Variants in PMS1 observed in about 807,000 individuals in gnomAD.
The protein encoded by PMS1 is PMS1 protein homolog 1.
PMS1 carries 79 observed loss-of-function variants against 93.1 expected under a neutral mutation model. That is an observed-to-expected ratio of 0.85 (90% CI 0.71 to 1.02). PMS1 has a LOEUF of 1.02. Among genes scored for constraint, PMS1 ranks in the 50% least tolerant of loss-of-function variants. PMS1 has a pLI of 0.00. For missense variants in PMS1, 1,064 were observed against 1,085.3 expected, an observed-to-expected ratio of 0.98 and a Z score of 0.28; for synonymous variants, 335 against 363.4, an observed-to-expected ratio of 0.92 and a Z score of 0.89.
chr2:189,790,205 TC>T lies in PMS1; in HGVS notation c.-20-1584del, dbSNP rs1471823791. Among the ~76,000 whole-genome samples, 5 of 152,284 alleles carry T rather than the reference TC, an allele frequency of 3.3e-5. No individual in the cohort carries two copies. The East Asian group carries it at 9.6e-4, about 29-fold the overall frequency. On this transcript the variant is annotated intron_variant, in intron 1 of 12. Coordinates refer to ENST00000441310, the MANE Select transcript of PMS1 (RefSeq NM_000534.5). ...ACAGTAATCCTAACTCTAAAGGAGC[TC>T]AGTGATTGAAAAAGACATTATAATT...
intron 2 of PMS1, among the ~76,000 whole-genome samples, chr2:189,793,219 C>T (rs2049048258): frequency 6.6e-6 from 1 of 152,178 alleles, no homozygotes; most frequent in African/African-American, 2.4e-5. Context: ...TCTTAAAACC[C>T]ATTCTTGATC....
At chr2:189,790,604 G>C (rs547812839) in intron 1 of PMS1, among the ~76,000 whole-genome samples, 110 of 152,122 alleles carry the variant, frequency 7.2e-4, no homozygotes, top group Non-Finnish European at 1.4e-3. Flanking sequence ...ATAATAATAA[G>C]TATAATGTTT....
At chr2:189,798,029 T>C (rs987743931) in intron 3 of PMS1, among the ~76,000 whole-genome samples, 4 of 152,228 alleles carry the variant, frequency 2.6e-5, no homozygotes, top group African/African-American at 7.2e-5. Flanking sequence ...ACTTTAAACA[T>C]GCTCAGAACA....
chr2:189,809,149 T>C (rs972257621), intron 4 of PMS1, among the ~76,000 whole-genome samples: 2 of 152,206 alleles, frequency 1.3e-5, no homozygotes, highest in Non-Finnish European at 2.9e-5. Flanking sequence ...CTTTTCATCT[T>C]AATTTAAGAA....
chr2:189,876,711 G>A (rs2057596904), intron 12 of PMS1, among the ~76,000 whole-genome samples: 1 of 151,606 alleles, frequency 6.6e-6, no homozygotes, highest in Admixed American at 6.6e-5. Context: ...AGGCTCAAGT[G>A]ATCCTCCTGC....
chr2:189,815,033 A>T (rs2051169003), intron 4 of PMS1, among the ~76,000 whole-genome samples: 1 of 150,314 alleles, frequency 6.7e-6, no homozygotes. Flanking sequence ...TAGGAGGCGG[A>T]GCTTGCAGTG....
intron 5 of PMS1, among the ~76,000 whole-genome samples, chr2:189,838,338 G>GA (rs534785581): frequency 2.4e-4 from 36 of 150,606 alleles, no homozygotes; most frequent in East Asian, 7.8e-4. Flanking sequence ...TTTCCCTAGG[G>GA]AAAAAAAAAT....
At chr2:189,822,140 G>T (rs748642071) in intron 5 of PMS1, among the ~76,000 whole-genome samples, 12 of 152,194 alleles carry the variant, frequency 7.9e-5, no homozygotes, top group Non-Finnish European at 1.6e-4. Flanking sequence ...CATGTGGGCC[G>T]CGGTTGCCGA....
At chr2:189,788,059 TA>T (rs11315354) in intron 1 of PMS1, among the ~76,000 whole-genome samples, 1,592 of 148,978 alleles carry the variant, frequency 0.011, 35 homozygotes, top group African/African-American at 0.037. Flanking sequence ...TATAGAGATT[TA>T]AAAAAAAAAG....
At chr2:189,807,960 G>A (rs2050492618) in intron 4 of PMS1, among the ~76,000 whole-genome samples, 1 of 151,922 alleles carries the variant, frequency 6.6e-6, no homozygotes, top group African/African-American at 2.4e-5. Flanking sequence ...AGTTGTTCTT[G>A]GTGGACATAT....
intron 1 of PMS1, chr2:189,785,573 C>G (rs1009886011): frequency 6.6e-6 from 1 of 152,216 alleles, no homozygotes; most frequent in Non-Finnish European, 1.5e-5. Flanking sequence ...AACCCCTGTC[C>G]TCAAAGAACT....
At chr2:189,811,557 A>G (rs2050848101) in intron 4 of PMS1, among the ~76,000 whole-genome samples, 1 of 152,114 alleles carries the variant, frequency 6.6e-6, no homozygotes, top group Non-Finnish European at 1.5e-5. Context: ...ATTGTGCCAT[A>G]CACTCTAGCC....
intron 5 of PMS1, among the ~76,000 whole-genome samples, chr2:189,842,720 CAA>C (rs1047037196): frequency 9.2e-5 from 14 of 151,998 alleles, no homozygotes; most frequent in African/African-American, 2.7e-4. Context: ...AAAAGGGAGA[CAA>C]AGAGTGAGTT....
intron 9 of PMS1, chr2:189,857,534 T>A (rs1559311947): frequency 2.2e-6 from 1 of 460,762 alleles, no homozygotes; most frequent in Non-Finnish European, 4.5e-6. Flanking sequence ...AGTAGACGCC[T>A]CTTCTATAGA....
intron 10 of PMS1, among the ~76,000 whole-genome samples, chr2:189,867,212 TA>T (rs1168275669): frequency 6.6e-6 from 1 of 152,216 alleles, no homozygotes; most frequent in Non-Finnish European, 1.5e-5. Context: ...TGACCAAGCC[TA>T]AAACCAATAT....
At chr2:189,857,578 T>A (rs2055481302) in intron 9 of PMS1, 4 of 401,494 alleles carry the variant, frequency 1.0e-5, no homozygotes, top group Non-Finnish European at 2.1e-5. Context: ...TTCTTCTTTT[T>A]TTCTTCCTTT....
chr2:189,844,430 G>A (rs1324232931), intron 6 of PMS1, among the ~76,000 whole-genome samples: 1 of 152,122 alleles, frequency 6.6e-6, no homozygotes, highest in Non-Finnish European at 1.5e-5. Context: ...GATGACGTGA[G>A]GTCAGGACTT....
intron 2 of PMS1, among the ~76,000 whole-genome samples, chr2:189,794,899 C>A (rs906531606): frequency 1.3e-5 from 2 of 151,928 alleles, no homozygotes; most frequent in African/African-American, 4.8e-5. Flanking sequence ...GAGTTTGATA[C>A]CAGCCTGGAC....
At chr2:189,822,889 T>C (rs2052061194) in intron 5 of PMS1, among the ~76,000 whole-genome samples, 1 of 152,194 alleles carries the variant, frequency 6.6e-6, no homozygotes, top group African/African-American at 2.4e-5. Flanking sequence ...GCTACAAGGC[T>C]CCACTCTTCC....
Sources: gnomAD v4.1 joint callset for allele counts (sites outside exome capture counted in the v4.1 genomes callset) on GRCh38, gnomAD v4.1.1 for gene constraint, MANE v1.5 for transcripts, NCBI Gene and HGNC (gene_info 2026-07-23, HGNC 2026-07-21) for gene names.